Variants in MARF1 observed in about 807,000 individuals in gnomAD.
MARF1 encodes limkain-b1.
Under a neutral mutation model 168.2 loss-of-function variants are expected in MARF1, and 24 were observed. That is an observed-to-expected ratio of 0.14 (90% CI 0.10 to 0.20). The LOEUF (loss-of-function observed/expected upper bound fraction) is 0.20, where lower values mean the gene tolerates loss of function less well. Among genes scored for constraint, MARF1 ranks in the 10% least tolerant of loss-of-function variants. MARF1 has a pLI of 1.00. For missense variants in MARF1, 1,744 were observed against 2,143.6 expected, an observed-to-expected ratio of 0.81 and a Z score of 3.68; for synonymous variants, 868 against 822.4, an observed-to-expected ratio of 1.06 and a Z score of -0.95.
rs748965777 is a variant in MARF1, at chr16:15,608,260, GAAAAAAAAAAAAA to G, written c.4182+18_4182+30del. ...TCACTGTGAGTTTTATCCCATGAGG[GAAAAAAAAAAAAA>G]AAAAAAAAAACATTTACCTTCACGA... On this transcript the variant is annotated intron_variant, in intron 21 of 26. Coordinates refer to ENST00000396368, the MANE Select transcript of MARF1 (RefSeq NM_014647.4). 1.3e-5 allele frequency: 11 copies of G among 832,264 alleles called. No individual in the cohort carries two copies. The highest frequency in any genetic ancestry group is 5.0e-5 in the African/African-American group (2 of 39,806). The allele number at this position is 832,264 out of a possible 1,614,324, so 51.6% of individuals were successfully genotyped here.
intron 9 of MARF1, 26 bp downstream of exon 9, chr16:15,624,990 C>T: frequency 6.2e-7 from 1 of 1,613,618 alleles, no homozygotes; most frequent in African/African-American, 1.3e-5. Context: ...CAAGAAGCAG[C>T]TATGAGAAAG....
intron 26 of MARF1, among the ~76,000 whole-genome samples, chr16:15,597,241 A>T (rs1321342649): frequency 6.6e-6 from 1 of 152,216 alleles, no homozygotes; most frequent in Non-Finnish European, 1.5e-5. Flanking sequence ...TTCTCTGCCC[A>T]TTCATTCTGC....
chr16:15,609,393 G>A, intron 20 of MARF1, 130 bp downstream of exon 20: 2 of 699,894 alleles, frequency 2.9e-6, no homozygotes, highest in Non-Finnish European at 4.7e-6. Context: ...TTCTCTGACT[G>A]GAATAGCTTA....
Position 15,617,349 on chromosome 16 carries a change from T to C in MARF1, c.2907A>G (p.Leu969=). 6.2e-7 allele frequency: 1 copy of C among 1,614,172 alleles called. No individual in the cohort carries two copies. The highest frequency in any genetic ancestry group is 8.5e-7 in the Non-Finnish European group (1 of 1,180,022). The change falls in exon 14 of 27, where the codon TTA becomes TTG. Residue 969 remains leucine, a synonymous_variant. Transcript: ENST00000396368. The part of the protein sequence containing the change: ...TNCSPIIFEE[L]EYHEPVCRQH... ...GTCTGCAGACAGGCTCGTGATATTCTAACTCTTCAAATATAATTGGGCTGC... is the reference window on the plus strand; with the variant it reads ...GTCTGCAGACAGGCTCGTGATATTCCAACTCTTCAAATATAATTGGGCTGC...
In MARF1 at chr16:15,595,306, A is replaced by T. The variant is rs942015128; in HGVS notation, c.*1387T>A. 3 of 152,592 alleles carry T rather than the reference A, an allele frequency of 2.0e-5. No homozygotes were observed. The highest frequency in any genetic ancestry group is 4.8e-5 in the African/African-American group (2 of 41,430). 9.5% of individuals were successfully genotyped at this position (152,592 alleles called of 1,614,324 possible). On this transcript the variant is annotated 3_prime_UTR_variant, in exon 27 of 27. Coordinates refer to ENST00000396368, the MANE Select transcript of MARF1 (RefSeq NM_014647.4). Reference sequence around the variant, plus strand: ...TATAGCCCTTATTTTGTGGCATTTTATCAAAATGCTATGAAATCAGAGTCC... The same window carrying T: ...TATAGCCCTTATTTTGTGGCATTTTTTCAAAATGCTATGAAATCAGAGTCC...
intron 16 of MARF1, 148 bp from the exon 17 acceptor site, chr16:15,612,925 A>G (rs1360625383): frequency 7.7e-6 from 5 of 645,442 alleles, no homozygotes; most frequent in Admixed American, 5.3e-5. Context: ...CTCAGTTTCT[A>G]TATTCAGGTC....
rs559222868 is a variant in MARF1, at chr16:15,613,783, AAGAC to A, written c.3254-1010_3254-1007del. Among the ~76,000 whole-genome samples, 22 of 152,292 alleles carry A rather than the reference AAGAC, an allele frequency of 1.4e-4. No individual in the cohort carries two copies. In the South Asian group the frequency reaches 3.5e-3, roughly 24 times the overall value. ...ATAATCTATGGCCCCTGAGAAGTCT[AAGAC>A]AGAGGGAAAAGAAAGGAGGTGTCCC... On this transcript the variant is annotated intron_variant, in intron 16 of 26. Coordinates refer to ENST00000396368, the MANE Select transcript of MARF1 (RefSeq NM_014647.4).
rs1057143045 is a variant in MARF1 at position 15,595,555 on chromosome 16, C to T, written c.*1138G>A. On this transcript the variant is annotated 3_prime_UTR_variant, in exon 27 of 27. Transcript: ENST00000396368. ...GCACCTAGAGAGGAAGGCCATTCCACACCAGACGCCACAAGAAACCCAGAG... is the reference window on the plus strand; with the variant it reads ...GCACCTAGAGAGGAAGGCCATTCCATACCAGACGCCACAAGAAACCCAGAG... 1 of 152,690 alleles carries T rather than the reference C, an allele frequency of 6.5e-6. No individual in the cohort carries two copies. The highest frequency in any genetic ancestry group is 1.5e-5 in the Non-Finnish European group (1 of 68,068). The allele number at this position is 152,690 out of a possible 1,614,324, so 9.5% of individuals were successfully genotyped here. A position where few individuals can be genotyped will look rare whatever the true frequency, so the allele number is the denominator to read the frequency against.
At position 15,600,626 on chromosome 16, in the gene MARF1, T is replaced by C; in HGVS notation, c.4687+15A>G. 1 of 1,613,822 alleles carries C rather than the reference T, an allele frequency of 6.2e-7. No individual in the cohort carries two copies. Among genetic ancestry groups the C allele is most frequent in the African/African-American group, 1.3e-5 (1 of 75,030 alleles). ...CGTGATTTTTTAAGGGGGGAGGGGA[T>C]GGGTGCTTACTTACTTTTCATGTCA... On this transcript the variant is annotated intron_variant, in intron 24 of 26. Coordinates refer to ENST00000396368, the MANE Select transcript of MARF1 (RefSeq NM_014647.4).
chr16:15,608,092 A>C (rs552964556), intron 21 of MARF1, among the ~76,000 whole-genome samples, 199 bp downstream of exon 21: 16 of 151,940 alleles, frequency 1.1e-4, no homozygotes, highest in Non-Finnish European at 2.1e-4. Context: ...GAAGACCAAA[A>C]CTCTCAACTT....
chr16:15,624,677 A>G, intron 10 of MARF1, 92 bp downstream of exon 10: 1 of 1,225,808 alleles, frequency 8.2e-7, no homozygotes, highest in Non-Finnish European at 1.2e-6. Context: ...TGTGCATTTC[A>G]GTACTATCTG....
chr16:15,624,267 A>C (rs1169350663), intron 10 of MARF1, among the ~76,000 whole-genome samples: 1 of 152,210 alleles, frequency 6.6e-6, no homozygotes, highest in Non-Finnish European at 1.5e-5. Flanking sequence ...CAGCAGAACA[A>C]ACACAATGCT....
rs528248051 is a variant in MARF1 at position 15,603,767 on chromosome 16, G to GC, written c.4413+400_4413+401insG. On this transcript the variant is annotated intron_variant, in intron 22 of 26. Transcript: ENST00000396368. ...GAGCGCCATTCTTGAAAGGCTGCCT[G>GC]GGGGACTGGCTGGCCAACCTTCCTT... Among the ~76,000 whole-genome samples, 370 of 115,810 alleles carry GC rather than the reference G, an allele frequency of 3.2e-3. 2 individuals carry two copies. Among genetic ancestry groups the GC allele is most frequent in the African/African-American group, 9.7e-3 (348 of 35,908 alleles). The allele number at this position is 115,810 out of a possible 152,430, so 76.0% of individuals were successfully genotyped here.
chr16:15,613,011 G>A lies in MARF1; in HGVS notation c.3254-234C>T, dbSNP rs148089928. On this transcript the variant is annotated intron_variant, in intron 16 of 26. Transcript: ENST00000396368. Reference sequence around the variant, plus strand: ...GTCCCACTAATCCTCAAAGTTAAGCGGCCAAGGTAAAGCAGAGTCTACTAT... The same window carrying A: ...GTCCCACTAATCCTCAAAGTTAAGCAGCCAAGGTAAAGCAGAGTCTACTAT... Among the ~76,000 whole-genome samples, 664 of 152,230 alleles carry A rather than the reference G, an allele frequency of 4.4e-3. 4 individuals carry two copies. The highest frequency in any genetic ancestry group is 0.015 in the African/African-American group (619 of 41,524).
Position 15,600,652 on chromosome 16 carries a change from T to C in MARF1, c.4676A>G (p.Asn1559Ser), listed in dbSNP as rs1475027990. The change falls in exon 24 of 27, where the codon AAT becomes AGT. Residue 1559 changes from asparagine to serine, a missense_variant. Transcript: ENST00000396368. ...GGGTGCTTACTTACTTTTCATGTCA[T>C]TTTTTAACACTACAATTCTCTTATG... is the stretch of plus-strand genomic sequence containing the variant. ...HGHKRIVVLK[N>S]DMKSRLSSLS... 6.2e-7 allele frequency: 1 copy of C among 1,613,728 alleles called. No individual in the cohort carries two copies. Among genetic ancestry groups the C allele is most frequent in the Non-Finnish European group, 8.5e-7 (1 of 1,179,996 alleles).
chr16:15,637,501 G>A (rs1467896222), intron 2 of MARF1, among the ~76,000 whole-genome samples: 1 of 152,212 alleles, frequency 6.6e-6, no homozygotes, highest in Non-Finnish European at 1.5e-5. Flanking sequence ...ACCAGCCAAT[G>A]AACTGCCCTC....
intron 26 of MARF1, among the ~76,000 whole-genome samples, chr16:15,597,835 A>AG (rs1359848819): frequency 6.6e-6 from 1 of 151,748 alleles, no homozygotes; most frequent in Non-Finnish European, 1.5e-5. Flanking sequence ...CACCAACCCT[A>AG]GGGGGGCACT....
At chr16:15,614,203 C>A (rs2033839435) in intron 16 of MARF1, among the ~76,000 whole-genome samples, 1 of 152,072 alleles carries the variant, frequency 6.6e-6, no homozygotes, top group East Asian at 1.9e-4. Context: ...AGAGTTTCGG[C>A]CAGGTGCGGT....
intron 21 of MARF1, among the ~76,000 whole-genome samples, chr16:15,607,549 C>CA (rs914939758): frequency 6.6e-6 from 1 of 152,068 alleles, no homozygotes; most frequent in South Asian, 2.1e-4. Flanking sequence ...ACTCCAACTC[C>CA]AAAAAAACCC....
Sources: allele counts gnomAD v4.1 joint callset (sites outside exome capture counted in the v4.1 genomes callset), GRCh38; gene constraint gnomAD v4.1.1; transcripts MANE v1.5; gene names NCBI Gene and HGNC (gene_info 2026-07-23, HGNC 2026-07-21).